CMKLR1: variants seen among roughly 807,000 people sequenced by gnomAD.
CMKLR1 encodes the protein chemerin-like receptor 1.
Under a neutral mutation model 8.2 loss-of-function variants are expected in CMKLR1, and 6 were observed. That is an observed-to-expected ratio of 0.73 (90% CI 0.40 to 1.44). The LOEUF is 1.44. Ranked by LOEUF, CMKLR1 falls within the 40% of genes most tolerant of loss-of-function variation. The pLI is 0.02. For missense variants in CMKLR1, 429 were observed against 478.0 expected (o/e 0.90, Z 0.96); for synonymous variants, 178 against 181.2 (o/e 0.98, Z 0.14).
intron 2 of CMKLR1, among the ~76,000 whole-genome samples, chr12:108,303,836 G>A (rs754144444): frequency 2.0e-5 from 3 of 152,330 alleles, no homozygotes; most frequent in East Asian, 1.9e-4. Context: ...CTCCAATCTC[G>A]GTTACAGGAG....
Position 108,327,782 on chromosome 12 carries a change from C to T in CMKLR1, c.-74+2213G>A, listed in dbSNP as rs148310020. On this transcript the variant is annotated intron_variant, in intron 2 of 3. Coordinates refer to ENST00000550402, the MANE Select transcript of CMKLR1 (RefSeq NM_001142343.2). ...CTGTCCCTTCAGGCGGTGGAACCAA[C>T]GCAAAAGGCTCTTGGAAGGAAGAAC... Among the ~76,000 whole-genome samples the T allele has an allele frequency of 4.7e-4, 71 of 152,306 alleles. 1 individual carries two copies. The East Asian group carries it at 0.011, about 23-fold the overall frequency.
At chr12:108,302,732 A>G (rs1393612917) in intron 2 of CMKLR1, among the ~76,000 whole-genome samples, 1 of 152,198 alleles carries the variant, frequency 6.6e-6, no homozygotes, top group East Asian at 1.9e-4. Flanking sequence ...CATTGAGAAC[A>G]TGTCTGCAAA....
intron 2 of CMKLR1, among the ~76,000 whole-genome samples, chr12:108,303,777 T>C (rs1179395682): frequency 6.6e-6 from 1 of 152,172 alleles, no homozygotes; most frequent in African/African-American, 2.4e-5. Context: ...CCTGCAATTT[T>C]CTCCCCCAGG....
chr12:108,314,872 T>G (rs1229390615), intron 2 of CMKLR1, among the ~76,000 whole-genome samples: 1 of 152,038 alleles, frequency 6.6e-6, no homozygotes, highest in Non-Finnish European at 1.5e-5. Flanking sequence ...CTTACCATCA[T>G]GTTCCATCAT....
intron 2 of CMKLR1, among the ~76,000 whole-genome samples, chr12:108,329,759 T>C (rs1389451688): frequency 2.0e-5 from 3 of 152,198 alleles, no homozygotes; most frequent in African/African-American, 7.2e-5. Context: ...GCTCCCTGTA[T>C]CCCATGCTCC....
chr12:108,330,685 A>G (rs1200714992), intron 1 of CMKLR1, among the ~76,000 whole-genome samples: 1 of 152,250 alleles, frequency 6.6e-6, no homozygotes, highest in Non-Finnish European at 1.5e-5. Flanking sequence ...GGGACCCTGG[A>G]AGGATTACAT....
chr12:108,309,802 G>T (rs906969990), intron 2 of CMKLR1, among the ~76,000 whole-genome samples: 5 of 152,306 alleles, frequency 3.3e-5, no homozygotes, highest in Middle Eastern at 3.4e-3. Context: ...GTTGCAATTT[G>T]CCATTGAGTT....
intron 2 of CMKLR1, among the ~76,000 whole-genome samples, chr12:108,322,430 C>G (rs73201516): frequency 0.11 from 16,581 of 152,186 alleles, 1,733 homozygotes; most frequent in Admixed American, 0.25. Flanking sequence ...ACTCAGTTCA[C>G]AACTTTCTTC....
chr12:108,311,125 C>G (rs17040378), intron 2 of CMKLR1, among the ~76,000 whole-genome samples: 12,828 of 152,230 alleles, frequency 0.084, 1,307 homozygotes, highest in African/African-American at 0.24. Context: ...AACTTTTCCC[C>G]AGTGAACTGA....
chr12:108,309,055 T>C (rs1373883022), intron 2 of CMKLR1, among the ~76,000 whole-genome samples: 1 of 152,224 alleles, frequency 6.6e-6, no homozygotes, highest in East Asian at 1.9e-4. Context: ...GTCATCACAC[T>C]TCTCTGTGCC....
chr12:108,331,320 C>T (rs892560178), intron 1 of CMKLR1, among the ~76,000 whole-genome samples: 6 of 152,164 alleles, frequency 3.9e-5, no homozygotes, highest in African/African-American at 1.2e-4. Context: ...GGGACGTGAA[C>T]GCAGTCTAAA....
At chr12:108,302,503 A>C (rs1012836166) in intron 2 of CMKLR1, among the ~76,000 whole-genome samples, 1 of 152,162 alleles carries the variant, frequency 6.6e-6, no homozygotes, top group Non-Finnish European at 1.5e-5. Flanking sequence ...AAGTGGGAGG[A>C]GGCCAGGCAG....
chr12:108,289,306 C>A lies in CMKLR1; in HGVS notation c.*2535G>T, dbSNP rs1362902533. 1 of 152,248 alleles carries A rather than the reference C, an allele frequency of 6.6e-6. No individual in the cohort carries two copies. The highest frequency in any genetic ancestry group is 2.4e-5 in the African/African-American group (1 of 41,416). 9.4% of individuals were successfully genotyped at this position (152,248 alleles called of 1,614,324 possible). On this transcript the variant is annotated 3_prime_UTR_variant, in exon 4 of 4. Transcript: ENST00000550402. ...GCAGGTGAGCACACTTTGCACACTG[C>A]AGGGACGATATATGCATGACCCATG... is the stretch of plus-strand genomic sequence containing the variant.
intron 2 of CMKLR1, among the ~76,000 whole-genome samples, chr12:108,313,680 C>T (rs1891645428): frequency 6.6e-6 from 1 of 152,182 alleles, no homozygotes; most frequent in Non-Finnish European, 1.5e-5. Flanking sequence ...GCTGGTCACT[C>T]TATGAACATG....
intron 1 of CMKLR1, among the ~76,000 whole-genome samples, chr12:108,332,474 T>C (rs986631662): frequency 6.6e-6 from 1 of 152,176 alleles, no homozygotes; most frequent in Admixed American, 6.5e-5. Context: ...GAGATTAACA[T>C]TTGAGTCAGT....
At chr12:108,315,444 A>G (rs900346912) in intron 2 of CMKLR1, among the ~76,000 whole-genome samples, 4 of 152,130 alleles carry the variant, frequency 2.6e-5, no homozygotes, top group African/African-American at 9.7e-5. Context: ...AATAAATCCT[A>G]CAGTTTCCCT....
intron 2 of CMKLR1, among the ~76,000 whole-genome samples, chr12:108,322,155 G>A (rs1333208016): frequency 6.6e-6 from 1 of 152,222 alleles, no homozygotes; most frequent in Non-Finnish European, 1.5e-5. Context: ...GGAGGGAGAA[G>A]TGGTAACAGT....
At chr12:108,293,012 G>A in intron 3 of CMKLR1, 53 bp from the exon 4 acceptor site, 1 of 1,514,610 alleles carries the variant, frequency 6.6e-7, no homozygotes, top group Non-Finnish European at 8.9e-7. Context: ...GCTTTAAGAG[G>A]TTGACCAATA....
chr12:108,322,852 T>C (rs1195104351), intron 2 of CMKLR1, among the ~76,000 whole-genome samples: 1 of 152,200 alleles, frequency 6.6e-6, no homozygotes, highest in Non-Finnish European at 1.5e-5. Flanking sequence ...TATTCTTTTA[T>C]AGCAACACAA....
Sources: gnomAD v4.1 joint callset for allele counts (sites outside exome capture counted in the v4.1 genomes callset) on GRCh38, gnomAD v4.1.1 for gene constraint, MANE v1.5 for transcripts, NCBI Gene and HGNC (gene_info 2026-07-23, HGNC 2026-07-21) for gene names.